FOXN2: variants seen among roughly 807,000 people sequenced by gnomAD.
The protein encoded by FOXN2 is forkhead box N2, also known as forkhead box protein N2.
In FOXN2, 19 loss-of-function variants were observed where a neutral mutation model predicts 41.2. The observed-to-expected ratio is 0.46, with a 90% CI of 0.32 to 0.68. FOXN2 has a LOEUF of 0.68. Ranked by LOEUF, FOXN2 falls within the 30% of genes least tolerant of loss-of-function variation. FOXN2 has a pLI of 0.03. For synonymous variants in FOXN2, 195 were observed against 176.8 expected (o/e 1.10, Z -0.82); for missense variants, 587 against 509.4 (o/e 1.15, Z -1.47).
intron 2 of FOXN2, among the ~76,000 whole-genome samples, chr2:48,337,258 G>T (rs530552203): frequency 6.7e-6 from 1 of 149,462 alleles, no homozygotes; most frequent in South Asian, 2.1e-4. Context: ...ATGATCTCCA[G>T]TTCCATCCAT....
intron 5 of FOXN2, among the ~76,000 whole-genome samples, chr2:48,371,952 T>C (rs1052769022): frequency 3.9e-5 from 6 of 152,290 alleles, no homozygotes; most frequent in African/African-American, 1.2e-4. Context: ...GTTTTTTCTA[T>C]ATATAAGATC....
chr2:48,347,676 A>G (rs1671201697), intron 3 of FOXN2, among the ~76,000 whole-genome samples: 1 of 152,200 alleles, frequency 6.6e-6, no homozygotes, highest in Non-Finnish European at 1.5e-5. Flanking sequence ...AAATAATATT[A>G]TACCATTTCA....
At chr2:48,344,771 A>G (rs993950319) in intron 2 of FOXN2, among the ~76,000 whole-genome samples, 6 of 151,898 alleles carry the variant, frequency 4.0e-5, no homozygotes, top group African/African-American at 1.2e-4. Flanking sequence ...TAGAAATAAA[A>G]TTAGCCGGTT....
chr2:48,378,025 G>A lies in FOXN2; in HGVS notation c.*2582G>A, dbSNP rs1289708405. 1 of 152,152 alleles carries A rather than the reference G, an allele frequency of 6.6e-6. No individual in the cohort carries two copies. The highest frequency in any genetic ancestry group is 1.9e-4 in the East Asian group (1 of 5,202). 9.4% of individuals were successfully genotyped at this position (152,152 alleles called of 1,614,324 possible). ...TGTTTTCCAACATATCCTAAAAACT[G>A]TGATATAAGCTAACATATAATTTGC... is the stretch of plus-strand genomic sequence containing the variant. On this transcript the variant is annotated 3_prime_UTR_variant, in exon 7 of 7. Coordinates refer to ENST00000340553, the MANE Select transcript of FOXN2 (RefSeq NM_002158.4).
intron 3 of FOXN2, among the ~76,000 whole-genome samples, chr2:48,354,040 A>G (rs570509220): frequency 6.6e-6 from 1 of 152,352 alleles, no homozygotes; most frequent in East Asian, 1.9e-4. Flanking sequence ...ATGATGGTAC[A>G]TAAAAGGTAA....
Position 48,375,118 on chromosome 2 carries a change from C to G in FOXN2, c.971C>G (p.Ser324Cys), listed in dbSNP as rs1339951203. Reference protein sequence around the residue: ...CASRSSVSSLSSVDEVYEFIP... With the variant: ...CASRSSVSSLCSVDEVYEFIP... ...TCCAGGTCTAGCGTGTCTTCCCTGT[C>G]TTCTGTGGATGAGGTATATGAATTT... Residue 324 changes from serine (S) to cysteine (C), a missense_variant, in exon 7 of 7, where the codon TCT (serine) becomes TGT (cysteine). By Grantham distance (112) the Ser-to-Cys change is moderately radical. Transcript: ENST00000340553. The G allele has an allele frequency of 6.2e-7, 1 of 1,614,062 alleles. No individual in the cohort carries two copies. The highest frequency in any genetic ancestry group is 2.2e-5 in the East Asian group (1 of 44,870).
At chr2:48,356,541 G>C (rs1166966813) in intron 3 of FOXN2, among the ~76,000 whole-genome samples, 4 of 152,076 alleles carry the variant, frequency 2.6e-5, no homozygotes, top group Admixed American at 6.5e-5. Flanking sequence ...GGGAAACATG[G>C]AATTAAATTT....
At chr2:48,340,698 A>G (rs1408580837) in intron 2 of FOXN2, 1 of 152,036 alleles carries the variant, frequency 6.6e-6, no homozygotes, top group Admixed American at 6.6e-5. Context: ...CTCCATAGAG[A>G]CTGTCAAAAA....
intron 2 of FOXN2, among the ~76,000 whole-genome samples, chr2:48,337,041 G>C (rs965515530): frequency 6.7e-6 from 1 of 150,146 alleles, no homozygotes; most frequent in African/African-American, 2.5e-5. Context: ...CTATCAAATA[G>C]TAGGTCTTAT....
At chr2:48,359,169 G>C in intron 4 of FOXN2, 22 bp downstream of exon 4, 1 of 1,543,530 alleles carries the variant, frequency 6.5e-7, no homozygotes, top group Non-Finnish European at 9.0e-7. Context: ...CCATATAACT[G>C]TCAGTGGTGA....
In FOXN2 at chr2:48,375,209, C is replaced by T. The variant is rs369677288; in HGVS notation, c.1062C>T (p.Asp354=). Residue 354 remains aspartate (D), a synonymous_variant, in exon 7 of 7, where the codon GAC becomes GAT. Coordinates refer to ENST00000340553, the MANE Select transcript of FOXN2 (RefSeq NM_002158.4). ...SEGFHSEEDT[D]VDYEDDPLGD... ...GATTTCACAGTGAAGAAGATACAGA[C>T]GTTGATTATGAAGATGATCCTCTTG... 26 of 1,613,970 alleles carry T rather than the reference C, an allele frequency of 1.6e-5. No homozygotes were observed. In the East Asian group the frequency reaches 2.9e-4, roughly 18 times the overall value.
intron 5 of FOXN2, among the ~76,000 whole-genome samples, chr2:48,370,439 A>G (rs1672814702): frequency 6.6e-6 from 1 of 152,158 alleles, no homozygotes; most frequent in Non-Finnish European, 1.5e-5. Flanking sequence ...TCCCTCAGAT[A>G]TCATTCTTTC....
chr2:48,364,079 A>G (rs1558637584), intron 5 of FOXN2, among the ~76,000 whole-genome samples: 1 of 152,160 alleles, frequency 6.6e-6, no homozygotes, highest in African/African-American at 2.4e-5. Flanking sequence ...AAAAATTCAG[A>G]TAAAAATTTG....
chr2:48,317,179 C>G (rs776982772), intron 1 of FOXN2, among the ~76,000 whole-genome samples: 16 of 152,056 alleles, frequency 1.1e-4, no homozygotes, highest in Non-Finnish European at 2.1e-4. Flanking sequence ...AAGGATTGCT[C>G]AACTCGTGCC....
At chr2:48,372,896 G>T in intron 5 of FOXN2, among the ~76,000 whole-genome samples, 1 of 149,760 alleles carries the variant, frequency 6.7e-6, no homozygotes, top group Non-Finnish European at 1.5e-5. Context: ...ATATGCATAG[G>T]TAATGATAGT....
Position 48,377,562 on chromosome 2 carries a change from T to C in FOXN2, c.*2119T>C, listed in dbSNP as rs1673328791. ...GCTCTAATAGGGATCTTCAAAGTTA[T>C]TTTGTCTTGATGTATGTAACAGTAA... On this transcript the variant is annotated 3_prime_UTR_variant, in exon 7 of 7. Coordinates refer to ENST00000340553, the MANE Select transcript of FOXN2 (RefSeq NM_002158.4). 6.6e-6 allele frequency: 1 copy of C among 152,032 alleles called. No homozygotes were observed. The highest frequency in any genetic ancestry group is 1.5e-5 in the Non-Finnish European group (1 of 67,902). The allele number at this position is 152,032 out of a possible 1,614,324, so 9.4% of individuals were successfully genotyped here. A position where few individuals can be genotyped will look rare whatever the true frequency, so the allele number is the denominator to read the frequency against.
At chr2:48,314,221 G>A (rs1668729775), upstream of FOXN2, among the ~76,000 whole-genome samples, 1 of 152,254 alleles carries the variant, frequency 6.6e-6, no homozygotes, top group Admixed American at 6.5e-5. Context: ...CAGGCACCGA[G>A]GGCCGTACTG....
At position 48,339,293 on chromosome 2, in the gene FOXN2, A is replaced by G. The variant is rs569302408; in HGVS notation, c.-14-6908A>G. 2.0e-4 allele frequency among the ~76,000 whole-genome samples: 31 copies of G among 152,172 alleles called. No homozygotes were observed. In the South Asian group the frequency reaches 5.8e-3, roughly 29 times the overall value. The stretch of plus-strand genomic sequence containing the variant: ...ATTGTAATCCGAATTGTAATCCCCA[A>G]GTGTTGAGAAGGGGCCTTGTGGGAG... On this transcript the variant is annotated intron_variant, in intron 2 of 6. Transcript: ENST00000340553.
chr2:48,320,988 TA>T (rs1669275860), intron 1 of FOXN2, among the ~76,000 whole-genome samples: 1 of 152,186 alleles, frequency 6.6e-6, no homozygotes, highest in Admixed American at 6.5e-5. Context: ...TTGAGAGACT[TA>T]CTCTTTCACT....
Sources: gnomAD v4.1 joint callset for allele counts (sites outside exome capture counted in the v4.1 genomes callset) on GRCh38, gnomAD v4.1.1 for gene constraint, MANE v1.5 for transcripts, NCBI Gene and HGNC (gene_info 2026-07-23, HGNC 2026-07-21) for gene names.